Variants in AGPAT5 observed in about 807,000 individuals in gnomAD.
AGPAT5 encodes 1-acyl-sn-glycerol-3-phosphate acyltransferase epsilon.
In AGPAT5, 46 loss-of-function variants were observed where a neutral mutation model predicts 45.6. The ratio of observed to expected loss-of-function variants is 1.01; its 90% CI spans 0.80 to 1.29. AGPAT5 has a LOEUF of 1.29. Among genes scored for constraint, AGPAT5 ranks in the 50% most tolerant of loss-of-function variants. AGPAT5 has a pLI of 0.00. For missense variants in AGPAT5, 673 were observed against 450.7 expected (o/e 1.49, Z -4.47); for synonymous variants, 272 against 167.0 (o/e 1.63, Z -4.85).
intron 5 of AGPAT5, among the ~76,000 whole-genome samples, chr8:6,744,643 T>C (rs145758833): frequency 2.0e-5 from 3 of 152,290 alleles, no homozygotes; most frequent in East Asian, 3.9e-4. Context: ...CACCTTGAAG[T>C]TCATCTGGAA....
chr8:6,716,100 C>G (rs920435460), intron 1 of AGPAT5, among the ~76,000 whole-genome samples: 2 of 152,142 alleles, frequency 1.3e-5, no homozygotes, highest in African/African-American at 4.8e-5. Flanking sequence ...TGATGTTACC[C>G]CATCTCATTG....
rs183695519 is a variant in AGPAT5 at position 6,758,042 on chromosome 8, C to A, written c.*654C>A. On this transcript the variant is annotated 3_prime_UTR_variant, in exon 8 of 8. Coordinates refer to ENST00000285518, the MANE Select transcript of AGPAT5 (RefSeq NM_018361.5). ...GCTTAATTTGCACACCCTGTACACACAGAAAATGGTATAAAATATGAGAAC... is the reference window on the plus strand; with the variant it reads ...GCTTAATTTGCACACCCTGTACACAAAGAAAATGGTATAAAATATGAGAAC... The A allele has an allele frequency of 4.6e-4, 70 of 152,304 alleles. No homozygotes were observed. Among genetic ancestry groups the A allele is most frequent in the African/African-American group, 1.7e-3 (69 of 41,564 alleles). The allele number at this position is 152,304 out of a possible 1,614,324, so 9.4% of individuals were successfully genotyped here.
intron 4 of AGPAT5, among the ~76,000 whole-genome samples, chr8:6,737,117 A>C (rs1801079102): frequency 6.6e-6 from 1 of 152,176 alleles, no homozygotes; most frequent in Non-Finnish European, 1.5e-5. Flanking sequence ...TTGTGGGCAA[A>C]ATTCCAGCCT....
Position 6,759,772 on chromosome 8 carries a change from A to G in AGPAT5, c.*2384A>G, listed in dbSNP as rs991534576. 32 of 152,180 alleles carry G rather than the reference A, an allele frequency of 2.1e-4. No homozygotes were observed. The highest frequency in any genetic ancestry group is 7.7e-4 in the African/African-American group (32 of 41,442). 9.4% of individuals were successfully genotyped at this position (152,180 alleles called of 1,614,324 possible). A position where few individuals can be genotyped will look rare whatever the true frequency, so the allele number is the denominator to read the frequency against. On this transcript the variant is annotated 3_prime_UTR_variant, in exon 8 of 8. Coordinates refer to ENST00000285518, the MANE Select transcript of AGPAT5 (RefSeq NM_018361.5). ...TGCATTCTTCACAATATTTTTCCCT[A>G]AGCTTTGAGCAAAGTTTTAAAAAAA...
Position 6,737,649 on chromosome 8 carries a change from C to T in AGPAT5, c.496-4012C>T, listed in dbSNP as rs185798673. On this transcript the variant is annotated intron_variant, in intron 4 of 7. Transcript: ENST00000285518. ...ATGGCACAAACATGGAGACTTAACACTTTTTCTTCCAGCTTTCACTTAAGT... is the reference window on the plus strand; with the variant it reads ...ATGGCACAAACATGGAGACTTAACATTTTTTCTTCCAGCTTTCACTTAAGT... Among the ~76,000 whole-genome samples, 60 of 152,288 alleles carry T rather than the reference C, an allele frequency of 3.9e-4. No individual in the cohort carries two copies. The East Asian group carries it at 0.011, about 29-fold the overall frequency.
Position 6,728,181 on chromosome 8 carries a change from G to C in AGPAT5, c.290-2530G>C, listed in dbSNP as rs115905165. Among the ~76,000 whole-genome samples, 945 of 152,268 alleles carry C rather than the reference G, an allele frequency of 6.2e-3. 8 individuals carry two copies. The highest frequency in any genetic ancestry group is 0.022 in the African/African-American group (911 of 41,558). On this transcript the variant is annotated intron_variant, in intron 2 of 7. Transcript: ENST00000285518. Reference sequence around the variant, plus strand: ...CCACTCCTCTCCTCCAAGTTAATGGGAACTATGACTCTGCTTTGGCTTGAT... The same window carrying C: ...CCACTCCTCTCCTCCAAGTTAATGGCAACTATGACTCTGCTTTGGCTTGAT...
chr8:6,747,412 C>T (rs1801510817), intron 5 of AGPAT5, among the ~76,000 whole-genome samples: 1 of 152,232 alleles, frequency 6.6e-6, no homozygotes, highest in African/African-American at 2.4e-5. Context: ...TGAAGCGTTT[C>T]CGCTAGGCCA....
chr8:6,732,639 G>C lies in AGPAT5; in HGVS notation c.484G>C (p.Ala162Pro). The change falls in exon 4 of 8, where the codon GCA (alanine) becomes CCA (proline). Residue 162 changes from alanine (A) to proline (P), a missense_variant. Physicochemically the swap from Ala to Pro is conservative, Grantham distance 27 (BLOSUM62 -1). Transcript: ENST00000285518. ...MRNKLQSYVD[A>P]GTPMYLVIFP... is the part of the protein sequence containing the mutation. ...AAACAAGTTGCAGAGCTACGTGGAC[G>C]CAGGAACTCCAGTAAGAGCCTACCC... is the stretch of plus-strand genomic sequence containing the variant. 6.2e-7 allele frequency: 1 copy of C among 1,608,136 alleles called. No individual in the cohort carries two copies. Among genetic ancestry groups the C allele is most frequent in the African/African-American group, 1.3e-5 (1 of 74,694 alleles).
chr8:6,719,302 G>C (rs1484402254), intron 1 of AGPAT5, among the ~76,000 whole-genome samples: 2 of 152,170 alleles, frequency 1.3e-5, no homozygotes. Flanking sequence ...AGTTAGTTCA[G>C]TATGGCAAAG....
intron 4 of AGPAT5, among the ~76,000 whole-genome samples, chr8:6,739,206 A>G (rs933058250): frequency 6.6e-5 from 10 of 152,098 alleles, no homozygotes; most frequent in Non-Finnish European, 1.3e-4. Context: ...CTTTGCAGTA[A>G]GTTTTTAAAT....
chr8:6,721,999 G>A (rs1250793183), intron 1 of AGPAT5, among the ~76,000 whole-genome samples: 1 of 152,014 alleles, frequency 6.6e-6, no homozygotes, highest in Non-Finnish European at 1.5e-5. Context: ...GGCTAAAGAA[G>A]GGGTTTGTAT....
At chr8:6,709,122 C>G in intron 1 of AGPAT5, 1 of 586,774 alleles carries the variant, frequency 1.7e-6, no homozygotes, top group South Asian at 2.0e-5. Flanking sequence ...CCCGCCGCCC[C>G]TTTCCCCGCC....
At chr8:6,735,431 C>G (rs1407941616) in intron 4 of AGPAT5, among the ~76,000 whole-genome samples, 2 of 152,192 alleles carry the variant, frequency 1.3e-5, no homozygotes, top group Non-Finnish European at 2.9e-5. Context: ...GTGCTGCATT[C>G]TCCTTGTGTC....
intron 1 of AGPAT5, among the ~76,000 whole-genome samples, chr8:6,717,165 C>T (rs978444229): frequency 5.3e-5 from 8 of 152,278 alleles, no homozygotes; most frequent in South Asian, 4.1e-4. Context: ...AAAACCAGTA[C>T]TTTTTGTAAT....
intron 5 of AGPAT5, among the ~76,000 whole-genome samples, chr8:6,743,709 G>A (rs1240633607): frequency 6.6e-6 from 1 of 151,410 alleles, no homozygotes; most frequent in Non-Finnish European, 1.5e-5. Context: ...TGGTTATAAG[G>A]GATGTGGAAT....
chr8:6,715,831 A>G (rs1034715614), intron 1 of AGPAT5, among the ~76,000 whole-genome samples: 5 of 152,238 alleles, frequency 3.3e-5, no homozygotes, highest in African/African-American at 1.2e-4. Flanking sequence ...AGAAGGCTAT[A>G]AAAATTACTT....
At chr8:6,742,277 C>A (rs191456306) in intron 5 of AGPAT5, among the ~76,000 whole-genome samples, 26 of 152,288 alleles carry the variant, frequency 1.7e-4, no homozygotes, top group Admixed American at 5.2e-4. Flanking sequence ...GGAGAAGTTA[C>A]ACAAAGTTGG....
chr8:6,748,716 G>T (rs879828584), intron 6 of AGPAT5, among the ~76,000 whole-genome samples: 38 of 152,144 alleles, frequency 2.5e-4, no homozygotes, highest in African/African-American at 8.9e-4. Flanking sequence ...TGTTGGCCAG[G>T]CTGGTCTCAA....
chr8:6,725,968 C>T (rs554484705), intron 2 of AGPAT5, among the ~76,000 whole-genome samples: 36 of 152,182 alleles, frequency 2.4e-4, no homozygotes, highest in African/African-American at 8.2e-4. Context: ...AGTTAAAATG[C>T]ATTTTTCTCA....
Sources: gnomAD v4.1 joint callset for allele counts (sites outside exome capture counted in the v4.1 genomes callset) on GRCh38, gnomAD v4.1.1 for gene constraint, MANE v1.5 for transcripts, NCBI Gene and HGNC (gene_info 2026-07-23, HGNC 2026-07-21) for gene names.